The following EPHA6 variants were observed in gnomAD, a reference collection of about 807,000 sequenced individuals.
EPHA6 encodes EPH receptor A6.
EPHA6 carries 50 observed loss-of-function variants against 112.0 expected under a neutral mutation model. The ratio of observed to expected loss-of-function variants is 0.45; its 90% CI spans 0.36 to 0.56. The LOEUF (loss-of-function observed/expected upper bound fraction) is 0.56, where lower values mean the gene tolerates loss of function less well. EPHA6 is among the 20% of genes least tolerant of loss of function. The probability of loss-of-function intolerance (pLI) is 0.00; values close to 1 mark genes in which losing one functional copy is unlikely to be tolerated. For synonymous variants in EPHA6, 529 were observed against 490.7 expected, an observed-to-expected ratio of 1.08 and a Z score of -1.03; for missense variants, 1,280 against 1,417.4, an observed-to-expected ratio of 0.90 and a Z score of 1.56.
intron 3 of EPHA6, among the ~76,000 whole-genome samples, chr3:97,143,508 G>T (rs1180765970): frequency 4.0e-5 from 6 of 151,670 alleles, no homozygotes; most frequent in Admixed American, 6.6e-5. Flanking sequence ...AAAAGTAGGA[G>T]GTTTTCCTTC....
intron 3 of EPHA6, among the ~76,000 whole-genome samples, chr3:97,071,718 T>C (rs2046363684): frequency 1.3e-5 from 2 of 152,016 alleles, no homozygotes; most frequent in South Asian, 4.1e-4. Flanking sequence ...AGCCAAACCA[T>C]ATCACATTAT....
At chr3:96,946,546 T>C (rs2041271274) in intron 2 of EPHA6, among the ~76,000 whole-genome samples, 1 of 152,212 alleles carries the variant, frequency 6.6e-6, no homozygotes, top group Non-Finnish European at 1.5e-5. Context: ...GGTGTATATG[T>C]GCCACATTTT....
At chr3:96,899,649 C>T (rs1194970178) in intron 2 of EPHA6, among the ~76,000 whole-genome samples, 1 of 152,116 alleles carries the variant, frequency 6.6e-6, no homozygotes, top group African/African-American at 2.4e-5. Context: ...GATTTAAATA[C>T]ATAGCACTAG....
chr3:97,065,179 A>G (rs1239250549), intron 3 of EPHA6, among the ~76,000 whole-genome samples: 2 of 152,148 alleles, frequency 1.3e-5, no homozygotes, highest in Non-Finnish European at 2.9e-5. Flanking sequence ...GAGATTCATA[A>G]AGCTATAAAA....
chr3:97,566,811 A>G (rs2093273347), intron 11 of EPHA6, among the ~76,000 whole-genome samples: 1 of 152,156 alleles, frequency 6.6e-6, no homozygotes, highest in Non-Finnish European at 1.5e-5. Context: ...CACCTTCTGT[A>G]TCTTGAGGCT....
intron 2 of EPHA6, among the ~76,000 whole-genome samples, chr3:96,962,358 C>T (rs1033887765): frequency 2.6e-5 from 4 of 151,514 alleles, no homozygotes; most frequent in African/African-American, 9.7e-5. Flanking sequence ...AAGAATTGTG[C>T]TTTAGGATAG....
At chr3:96,967,068 A>G (rs968814404) in intron 2 of EPHA6, among the ~76,000 whole-genome samples, 1 of 151,788 alleles carries the variant, frequency 6.6e-6, no homozygotes, top group African/African-American at 2.4e-5. Flanking sequence ...TTCATAAGTC[A>G]TGAAGAAGAA....
rs565007943 is a variant in EPHA6, at chr3:97,240,621, A to C, written c.1271-3331A>C. ...GGTTTAACATATTTTTATGATTATA[A>C]ACGTGAAACATAAATCTGTACTGGT... On this transcript the variant is annotated intron_variant, in intron 4 of 17. Transcript: ENST00000389672. Among the ~76,000 whole-genome samples, 7 of 151,998 alleles carry C rather than the reference A, an allele frequency of 4.6e-5. No homozygotes were observed. The South Asian group carries it at 1.4e-3, about 31-fold the overall frequency.
At chr3:96,882,409 AAGTT>A (rs2037367268) in intron 2 of EPHA6, among the ~76,000 whole-genome samples, 1 of 152,108 alleles carries the variant, frequency 6.6e-6, no homozygotes, top group Non-Finnish European at 1.5e-5. Flanking sequence ...ATGCATGAGT[AAGTT>A]CTTTAGTGGT....
Position 96,858,902 on chromosome 3 carries a change from G to A in EPHA6, c.386-7923G>A, listed in dbSNP as rs987007576. ...TGTGCTCAAAACAAATGTCCACTTC[G>A]ATTTTATTTTTTCTAGAGACCACTT... is the stretch of plus-strand genomic sequence containing the variant. On this transcript the variant is annotated intron_variant, in intron 1 of 17. Transcript: ENST00000389672. Among the ~76,000 whole-genome samples, 5 of 152,156 alleles carry A rather than the reference G, an allele frequency of 3.3e-5. No homozygotes were observed. The East Asian group carries it at 7.7e-4, about 24-fold the overall frequency.
At chr3:97,720,074 A>T (rs558309580) in intron 14 of EPHA6, among the ~76,000 whole-genome samples, 187 bp from the exon 15 acceptor site, 27 of 152,354 alleles carry the variant, frequency 1.8e-4, no homozygotes, top group South Asian at 8.3e-4. Context: ...AGCTATTTTT[A>T]CTGAATAATT....
intron 3 of EPHA6, among the ~76,000 whole-genome samples, chr3:97,038,268 GTGTT>G (rs144381787): frequency 4.5e-4 from 68 of 151,962 alleles, no homozygotes; most frequent in African/African-American, 1.6e-3. Context: ...TTTTATCACA[GTGTT>G]TGTTGTTGCA....
chr3:96,905,824 TAAG>T (rs1345204146), intron 2 of EPHA6, among the ~76,000 whole-genome samples: 1 of 152,066 alleles, frequency 6.6e-6, no homozygotes, highest in Non-Finnish European at 1.5e-5. Context: ...TTGTTGGCTA[TAAG>T]AATAATGAAT....
At chr3:97,468,413 G>A (rs1215695928) in intron 7 of EPHA6, among the ~76,000 whole-genome samples, 1 of 149,746 alleles carries the variant, frequency 6.7e-6, no homozygotes, top group African/African-American at 2.5e-5. Flanking sequence ...GGATATTTAG[G>A]AAAAAAAATG....
intron 2 of EPHA6, among the ~76,000 whole-genome samples, chr3:96,909,556 C>T (rs1303889887): frequency 6.6e-6 from 1 of 151,856 alleles, no homozygotes; most frequent in Non-Finnish European, 1.5e-5. Flanking sequence ...CTGGAGTTCA[C>T]TTACTGAATT....
chr3:97,295,807 A>G (rs1185858091), intron 5 of EPHA6, among the ~76,000 whole-genome samples: 3 of 152,082 alleles, frequency 2.0e-5, no homozygotes, highest in Non-Finnish European at 4.4e-5. Flanking sequence ...AGTGGTGTCC[A>G]TGATTTCCTC....
intron 3 of EPHA6, among the ~76,000 whole-genome samples, chr3:97,218,406 T>C (rs771040981): frequency 6.6e-6 from 1 of 152,166 alleles, no homozygotes; most frequent in Non-Finnish European, 1.5e-5. Context: ...TCAGCATGGC[T>C]GGGGAAGCCT....
intron 5 of EPHA6, among the ~76,000 whole-genome samples, chr3:97,303,766 G>T (rs2081194754): frequency 6.6e-6 from 1 of 151,866 alleles, no homozygotes; most frequent in Non-Finnish European, 1.5e-5. Context: ...AATAAATTTG[G>T]ATTCATAAGA....
At chr3:97,437,104 T>A (rs1052102040) in intron 6 of EPHA6, among the ~76,000 whole-genome samples, 1 of 152,008 alleles carries the variant, frequency 6.6e-6, no homozygotes, top group African/African-American at 2.4e-5. Context: ...GTATTTTATG[T>A]GTGGCCCAAG....
Sources: allele counts gnomAD v4.1 joint callset (sites outside exome capture counted in the v4.1 genomes callset), GRCh38; gene constraint gnomAD v4.1.1; transcripts MANE v1.5; gene names NCBI Gene and HGNC (gene_info 2026-07-23, HGNC 2026-07-21).